The following TCERG1L variants were observed in gnomAD, a reference collection of about 807,000 sequenced individuals.
TCERG1L encodes the protein transcription elongation regulator 1-like protein.
A neutral mutation model predicts 56.3 loss-of-function variants in TCERG1L; 37 were observed. That is an observed-to-expected ratio of 0.66 (90% CI 0.51 to 0.87). TCERG1L has a LOEUF of 0.87. TCERG1L is among the 40% of genes least tolerant of loss of function. TCERG1L has a pLI of 0.00. For missense variants in TCERG1L, 799 were observed against 774.2 expected (o/e 1.03, Z -0.38); for synonymous variants, 324 against 326.3 (o/e 0.99, Z 0.08).
chr10:131,094,259 G>A (rs539726265), intron 11 of TCERG1L, among the ~76,000 whole-genome samples: 34 of 152,358 alleles, frequency 2.2e-4, no homozygotes, highest in South Asian at 1.4e-3. Context: ...CTTGTCCAGC[G>A]ACAGTCGGGC....
intron 4 of TCERG1L, among the ~76,000 whole-genome samples, chr10:131,245,504 C>T (rs933772649): frequency 6.6e-6 from 1 of 152,186 alleles, no homozygotes; most frequent in Non-Finnish European, 1.5e-5. Flanking sequence ...CTCCCTCCAG[C>T]CTTCTGCATT....
rs541386834 is a variant in TCERG1L, at chr10:131,290,220, GGT to G, written c.670+17989_670+17990del. Among the ~76,000 whole-genome samples, 938 of 148,282 alleles carry G rather than the reference GGT, an allele frequency of 6.3e-3. 9 individuals carry two copies. Among genetic ancestry groups the G allele is most frequent in the African/African-American group, 0.023 (903 of 40,076 alleles). The stretch of plus-strand genomic sequence containing the variant: ...GTGTGCACTGCCTCCATCTCCTATC[GGT>G]GTGTGTGAGAGTGTATGTGTGCACT... On this transcript the variant is annotated intron_variant, in intron 3 of 11. Coordinates refer to ENST00000368642, the MANE Select transcript of TCERG1L (RefSeq NM_174937.4).
At chr10:131,147,807 C>T (rs969347900) in intron 6 of TCERG1L, among the ~76,000 whole-genome samples, 5 of 152,376 alleles carry the variant, frequency 3.3e-5, no homozygotes, top group East Asian at 1.9e-4. Context: ...CCTAGGCCCC[C>T]GGTAGCCCAC....
rs986723560 is a variant in TCERG1L at position 131,308,350 on chromosome 10, T to C, written c.531A>G (p.Ile177Met). The C allele has an allele frequency of 1.9e-6, 3 of 1,613,880 alleles. No individual in the cohort carries two copies. The African/African-American group carries it at 4.0e-5, about 22-fold the overall frequency. The part of the protein sequence containing the change: ...NNSFALDSTW[I>M]HPEESRFFHG... ...GGAAAAACCTTGACTCCTCAGGATG[T>C]ATCCACGTTGAGTCCAGAGCAAAGG... Residue 177 changes from isoleucine to methionine, a missense_variant, in exon 3 of 12, where the codon ATA becomes ATG. Transcript: ENST00000368642.
chr10:131,142,840 G>A (rs1845753369), intron 7 of TCERG1L, among the ~76,000 whole-genome samples: 1 of 152,212 alleles, frequency 6.6e-6, no homozygotes, highest in African/African-American at 2.4e-5. Flanking sequence ...TGGAAGGTGT[G>A]CATACACTGG....
intron 4 of TCERG1L, among the ~76,000 whole-genome samples, chr10:131,241,022 G>A (rs999117127): frequency 3.3e-5 from 5 of 152,218 alleles, no homozygotes; most frequent in African/African-American, 1.2e-4. Context: ...TCTATGAGGC[G>A]GCAGTGAGAA....
chr10:131,156,912 T>C (rs1006125883), intron 6 of TCERG1L, among the ~76,000 whole-genome samples: 3 of 152,172 alleles, frequency 2.0e-5, no homozygotes, highest in Admixed American at 2.0e-4. Flanking sequence ...CCCCTTCCTT[T>C]TTTAACTCGG....
intron 4 of TCERG1L, among the ~76,000 whole-genome samples, chr10:131,240,131 T>C (rs1845954664): frequency 6.6e-6 from 1 of 152,184 alleles, no homozygotes; most frequent in Non-Finnish European, 1.5e-5. Flanking sequence ...CAGTGGTCCC[T>C]AGTTATCCCC....
intron 3 of TCERG1L, among the ~76,000 whole-genome samples, chr10:131,294,760 G>A (rs898503917): frequency 6.6e-6 from 1 of 151,694 alleles, no homozygotes; most frequent in African/African-American, 2.4e-5. Flanking sequence ...TTCTTCTATT[G>A]TCCATTTTTT....
At chr10:131,173,137 C>T (rs545728266) in intron 4 of TCERG1L, among the ~76,000 whole-genome samples, 9 of 152,106 alleles carry the variant, frequency 5.9e-5, no homozygotes, top group African/African-American at 1.7e-4. Context: ...GTGATCCACC[C>T]GCCTCAGCCT....
At chr10:131,285,210 T>G (rs867392437) in intron 3 of TCERG1L, among the ~76,000 whole-genome samples, 2 of 151,886 alleles carry the variant, frequency 1.3e-5, no homozygotes, top group African/African-American at 4.8e-5. Flanking sequence ...AAACCCTGTC[T>G]CTACTAAAAA....
At chr10:131,202,441 G>A (rs1845450272) in intron 4 of TCERG1L, among the ~76,000 whole-genome samples, 1 of 152,150 alleles carries the variant, frequency 6.6e-6, no homozygotes, top group East Asian at 1.9e-4. Context: ...AATGAGCCAG[G>A]CGTGGTGGCG....
chr10:131,182,920 GC>G (rs1171603116), intron 4 of TCERG1L, among the ~76,000 whole-genome samples: 1 of 152,072 alleles, frequency 6.6e-6, no homozygotes, highest in Non-Finnish European at 1.5e-5. Context: ...TTAGTTTAAG[GC>G]AAACATAACC....
At chr10:131,292,168 C>T (rs1159747422) in intron 3 of TCERG1L, among the ~76,000 whole-genome samples, 1 of 152,214 alleles carries the variant, frequency 6.6e-6, no homozygotes. Flanking sequence ...GTGACTCCGA[C>T]TATCCAAGGA....
intron 9 of TCERG1L, among the ~76,000 whole-genome samples, chr10:131,111,189 A>C (rs147461920): frequency 7.0e-6 from 1 of 143,034 alleles, no homozygotes; most frequent in Non-Finnish European, 1.6e-5. Flanking sequence ...CGACCCTGAC[A>C]CTGGGGCTGG....
intron 3 of TCERG1L, among the ~76,000 whole-genome samples, chr10:131,303,243 A>G (rs1846785463): frequency 1.3e-5 from 2 of 152,220 alleles, no homozygotes; most frequent in Middle Eastern, 3.4e-3. Flanking sequence ...ACTCCCACTA[A>G]TAGTGTAAAA....
At chr10:131,307,851 C>T (rs896635237) in intron 3 of TCERG1L, among the ~76,000 whole-genome samples, 2 of 152,112 alleles carry the variant, frequency 1.3e-5, no homozygotes, top group Admixed American at 6.5e-5. Flanking sequence ...CCTTGCACGT[C>T]GCCACAGAGA....
At chr10:131,109,364 C>T (rs752120972) in intron 9 of TCERG1L, among the ~76,000 whole-genome samples, 3 of 152,184 alleles carry the variant, frequency 2.0e-5, no homozygotes, top group African/African-American at 4.8e-5. Flanking sequence ...CTCAGCACGC[C>T]TGTTGTCTGT....
intron 4 of TCERG1L, among the ~76,000 whole-genome samples, chr10:131,179,273 G>C (rs1407577207): frequency 1.3e-5 from 2 of 152,264 alleles, no homozygotes; most frequent in Non-Finnish European, 2.9e-5. Context: ...AGGTCACAGC[G>C]AGAGGCCAGG....
Sources: gnomAD v4.1 joint callset for allele counts (sites outside exome capture counted in the v4.1 genomes callset) on GRCh38, gnomAD v4.1.1 for gene constraint, MANE v1.5 for transcripts, NCBI Gene and HGNC (gene_info 2026-07-23, HGNC 2026-07-21) for gene names.